LRP1B: variants seen among roughly 807,000 people sequenced by gnomAD.
LRP1B encodes low-density lipoprotein receptor-related protein 1B.
Under a neutral mutation model 556.6 loss-of-function variants are expected in LRP1B, and 217 were observed. The ratio of observed to expected loss-of-function variants is 0.39; its 90% CI spans 0.35 to 0.44. LRP1B has a LOEUF of 0.44. Among genes scored for constraint, LRP1B ranks in the 20% least tolerant of loss-of-function variants. The pLI is 1.00. For missense variants in LRP1B, 5,053 were observed against 5,620.8 expected (o/e 0.90, Z 3.23); for synonymous variants, 2,047 against 1,865.8 (o/e 1.10, Z -2.50).
rs1217162087 is a variant in LRP1B, at chr2:141,017,191, G to C, written c.1971-1276C>G. Among the ~76,000 whole-genome samples, 6 of 113,042 alleles carry C rather than the reference G, an allele frequency of 5.3e-5. 1 individual carries two copies. Among genetic ancestry groups the C allele is most frequent in the Admixed American group, 1.1e-4 (1 of 9,512 alleles). The allele number at this position is 113,042 out of a possible 152,430, so 74.2% of individuals were successfully genotyped here. ...GGACAACTTAGTAACAAAAAGGATA[G>C]TCATTCTATTTGCTGTAATTCTATG... On this transcript the variant is annotated intron_variant, in intron 12 of 90. Transcript: ENST00000389484.
intron 3 of LRP1B, among the ~76,000 whole-genome samples, chr2:141,335,167 C>CAA (rs1473043017): frequency 6.6e-6 from 1 of 152,068 alleles, no homozygotes; most frequent in East Asian, 1.9e-4. Context: ...GTTCCTACTA[C>CAA]AAGTTCACAA....
chr2:141,442,847 T>G (rs1204873844), intron 3 of LRP1B, among the ~76,000 whole-genome samples: 1 of 152,172 alleles, frequency 6.6e-6, no homozygotes, highest in Admixed American at 6.5e-5. Flanking sequence ...CATTTGGGTT[T>G]GTTCCAAGTC....
Position 142,130,662 on chromosome 2 carries a change from A to C in LRP1B, c.68T>G (p.Val23Gly), listed in dbSNP as rs760485973. ...GLLPIARVLT[V>G]GADRDQQLCD... is the part of the protein sequence containing the mutation. ...GTTCTCCTTACCTCGGTCGGCTCCC[A>C]CGGTCAGCACCCTGGCAATCGGCAA... The change falls in exon 1 of 91, where the codon GTG becomes GGG. Residue 23 changes from valine to glycine, a missense_variant. Around this residue, in one of 5 missense-constraint regions of LRP1B, gnomAD observed 3,619 missense variants for 3,931.9 expected, o/e 0.92. Coordinates refer to ENST00000389484, the MANE Select transcript of LRP1B (RefSeq NM_018557.3). 1 of 1,612,768 alleles carries C rather than the reference A, an allele frequency of 6.2e-7. No homozygotes were observed.
intron 2 of LRP1B, among the ~76,000 whole-genome samples, chr2:141,496,814 T>TA (rs1683524877): frequency 6.6e-6 from 1 of 151,956 alleles, no homozygotes; most frequent in African/African-American, 2.4e-5. Context: ...GAACCAGATA[T>TA]AAAATGTGAG....
At chr2:141,906,571 A>G (rs1245714140) in intron 1 of LRP1B, among the ~76,000 whole-genome samples, 3 of 152,004 alleles carry the variant, frequency 2.0e-5, no homozygotes, top group Admixed American at 2.0e-4. Context: ...CTAAATAGAA[A>G]TCTACCTCAG....
chr2:140,624,075 A>G (rs1165875053), intron 41 of LRP1B, among the ~76,000 whole-genome samples: 1 of 151,448 alleles, frequency 6.6e-6, no homozygotes, highest in Non-Finnish European at 1.5e-5. Flanking sequence ...TAATAAATAC[A>G]ATGTAATTCT....
At position 141,013,536 on chromosome 2, in the gene LRP1B, T is replaced by A. The variant is rs2105385154; in HGVS notation, c.2380+20A>T. The A allele has an allele frequency of 6.3e-7, 1 of 1,585,386 alleles. No homozygotes were observed. Among genetic ancestry groups the A allele is most frequent in the Admixed American group, 1.8e-5 (1 of 55,492 alleles). The stretch of plus-strand genomic sequence containing the variant: ...TATTATATGTGAATCTCAGAAGCAT[T>A]TTAATTTGTTTTTTAATACCTTGTT... On this transcript the variant is annotated intron_variant, in intron 14 of 90. Transcript: ENST00000389484.
chr2:141,032,614 T>G (rs1436298255), intron 11 of LRP1B, among the ~76,000 whole-genome samples: 1 of 152,020 alleles, frequency 6.6e-6, no homozygotes, highest in Non-Finnish European at 1.5e-5. Context: ...AGAAAATTTG[T>G]ATTTCTTCTT....
At chr2:141,055,471 T>A (rs1010743913) in intron 9 of LRP1B, among the ~76,000 whole-genome samples, 2 of 151,446 alleles carry the variant, frequency 1.3e-5, no homozygotes, top group East Asian at 1.9e-4. Flanking sequence ...TAAGTGAGCA[T>A]TTAAAAAAAA....
intron 3 of LRP1B, among the ~76,000 whole-genome samples, chr2:141,437,984 C>T (rs1002747571): frequency 6.6e-6 from 1 of 151,976 alleles, no homozygotes; most frequent in Non-Finnish European, 1.5e-5. Context: ...ACATAAAATT[C>T]TTCTCATTAT....
At chr2:140,759,035 C>T (rs983776255) in intron 35 of LRP1B, among the ~76,000 whole-genome samples, 2 of 152,070 alleles carry the variant, frequency 1.3e-5, no homozygotes, top group African/African-American at 4.8e-5. Context: ...TATAATCCCT[C>T]TTGTGAATGT....
intron 35 of LRP1B, among the ~76,000 whole-genome samples, chr2:140,731,468 T>C (rs10221573): frequency 0.16 from 23,723 of 152,058 alleles, 1,927 homozygotes; most frequent in South Asian, 0.2. Flanking sequence ...AGTAAGAATA[T>C]AAGTAATTTA....
intron 9 of LRP1B, among the ~76,000 whole-genome samples, chr2:141,056,570 G>A (rs999198871): frequency 6.6e-6 from 1 of 151,814 alleles, no homozygotes; most frequent in Non-Finnish European, 1.5e-5. Context: ...TGAGCTTCAT[G>A]CTGCTAAATC....
At chr2:141,866,496 A>G (rs115193514) in intron 1 of LRP1B, among the ~76,000 whole-genome samples, 2,157 of 152,322 alleles carry the variant, frequency 0.014, 52 homozygotes, top group African/African-American at 0.048. Context: ...GAAAACTCAG[A>G]GAGAGGATAT....
At chr2:140,807,345 A>G (rs545662897) in intron 32 of LRP1B, among the ~76,000 whole-genome samples, 5 of 151,664 alleles carry the variant, frequency 3.3e-5, no homozygotes, top group African/African-American at 7.2e-5. Flanking sequence ...GTGTTTATTT[A>G]TTTACTTTTT....
At chr2:141,955,606 T>C (rs926510564) in intron 1 of LRP1B, among the ~76,000 whole-genome samples, 1 of 152,198 alleles carries the variant, frequency 6.6e-6, no homozygotes, top group South Asian at 2.1e-4. Flanking sequence ...GGCTGCTCAC[T>C]GGCCAGTGGA....
intron 35 of LRP1B, among the ~76,000 whole-genome samples, chr2:140,742,532 A>G (rs986725607): frequency 1.3e-5 from 2 of 152,190 alleles, no homozygotes; most frequent in African/African-American, 4.8e-5. Context: ...CAACTGCTAC[A>G]TTTATTATGG....
At chr2:141,137,380 G>A (rs1275387786) in intron 7 of LRP1B, among the ~76,000 whole-genome samples, 1 of 151,796 alleles carries the variant, frequency 6.6e-6, no homozygotes, top group Admixed American at 6.6e-5. Flanking sequence ...GACCCAAACA[G>A]TTTACCAGAA....
intron 18 of LRP1B, among the ~76,000 whole-genome samples, chr2:140,967,982 G>A (rs1197711158): frequency 1.7e-4 from 16 of 92,934 alleles, no homozygotes; most frequent in Admixed American, 5.2e-4. Flanking sequence ...TGTTCATCAA[G>A]GATATTGGTC....
Sources: gnomAD v4.1 joint callset for allele counts (sites outside exome capture counted in the v4.1 genomes callset) on GRCh38, gnomAD v4.1.1 for gene constraint, gnomAD v4.1.1 regional missense constraint, MANE v1.5 for transcripts, NCBI Gene and HGNC (gene_info 2026-07-23, HGNC 2026-07-21) for gene names.